Variants in NCAM1 observed in about 807,000 individuals in gnomAD.
The protein encoded by NCAM1 is neural cell adhesion molecule 1.
Under a neutral mutation model 109.8 loss-of-function variants are expected in NCAM1, and 14 were observed. That is an observed-to-expected ratio of 0.13 (90% CI 0.08 to 0.20). NCAM1 has a LOEUF of 0.20. NCAM1 is among the 10% of genes least tolerant of loss of function. The pLI is 1.00. For missense variants in NCAM1, 774 were observed against 1,109.9 expected, an observed-to-expected ratio of 0.70 and a Z score of 4.30; for synonymous variants, 418 against 442.9, an observed-to-expected ratio of 0.94 and a Z score of 0.70.
chr11:113,223,219 A>C (rs943381421), intron 9 of NCAM1, among the ~76,000 whole-genome samples: 1 of 152,240 alleles, frequency 6.6e-6, no homozygotes, highest in African/African-American at 2.4e-5. Context: ...GCACACCCTG[A>C]AGTTGTGCAG....
At chr11:113,017,193 C>T (rs1452702568) in intron 1 of NCAM1, among the ~76,000 whole-genome samples, 9 of 152,150 alleles carry the variant, frequency 5.9e-5, no homozygotes, top group Non-Finnish European at 1.3e-4. Context: ...AGACACTCTT[C>T]GTTTACTACA....
chr11:113,159,274 C>T (rs1942519867), intron 1 of NCAM1, among the ~76,000 whole-genome samples: 1 of 152,120 alleles, frequency 6.6e-6, no homozygotes, highest in South Asian at 2.1e-4. Flanking sequence ...TTAGGAGTTA[C>T]ATTCTGTGTT....
At chr11:113,058,074 C>T (rs377689766) in intron 1 of NCAM1, among the ~76,000 whole-genome samples, 12 of 151,940 alleles carry the variant, frequency 7.9e-5, no homozygotes, top group African/African-American at 2.4e-4. Context: ...TATGAGGCCA[C>T]GAGTTCGAGA....
chr11:113,183,064 A>G (rs1555108232), intron 1 of NCAM1, among the ~76,000 whole-genome samples: 1 of 152,106 alleles, frequency 6.6e-6, no homozygotes, highest in East Asian at 1.9e-4. Flanking sequence ...AGTTAGTCCA[A>G]CCCCTTCCTT....
chr11:113,191,939 C>T (rs768693543), intron 1 of NCAM1, among the ~76,000 whole-genome samples: 6 of 152,174 alleles, frequency 3.9e-5, no homozygotes, highest in South Asian at 2.1e-4. Flanking sequence ...TTGAAAGGCA[C>T]GGGCAGGATC....
intron 1 of NCAM1, among the ~76,000 whole-genome samples, chr11:113,185,079 T>TATATATATATATATATATATAGAG: frequency 1.2e-3 from 148 of 125,654 alleles, no homozygotes; most frequent in Non-Finnish European, 1.6e-3. Flanking sequence ...TATATATATA[T>TATATATATATATATATATATAGAG]AGAGAGAGAG....
intron 1 of NCAM1, among the ~76,000 whole-genome samples, chr11:113,143,887 G>T (rs782365491): frequency 2.6e-5 from 4 of 152,238 alleles, no homozygotes; most frequent in Admixed American, 1.3e-4. Context: ...ATAAGAAAAT[G>T]AAGATCCAGG....
At chr11:113,090,622 G>T (rs535930740) in intron 1 of NCAM1, among the ~76,000 whole-genome samples, 1 of 152,294 alleles carries the variant, frequency 6.6e-6, no homozygotes, top group Non-Finnish European at 1.5e-5. Context: ...TCTGACTTGT[G>T]AATTACATTA....
At chr11:113,214,595 G>C in intron 8 of NCAM1, 84 bp downstream of exon 8, 1 of 1,457,800 alleles carries the variant, frequency 6.9e-7, no homozygotes, top group East Asian at 2.5e-5. Context: ...TCTCTTTGGG[G>C]AGCTGGGAGA....
At chr11:113,172,915 C>T (rs745447959) in intron 1 of NCAM1, among the ~76,000 whole-genome samples, 40 of 152,150 alleles carry the variant, frequency 2.6e-4, no homozygotes, top group Non-Finnish European at 4.9e-4. Flanking sequence ...AATCTGGGAT[C>T]GAACTGAGAT....
intron 1 of NCAM1, among the ~76,000 whole-genome samples, chr11:113,100,579 GA>G (rs1555091330): frequency 6.6e-6 from 1 of 152,128 alleles, no homozygotes; most frequent in Non-Finnish European, 1.5e-5. Flanking sequence ...GGAGTGGGAA[GA>G]TAATCTTCCC....
At position 113,077,954 on chromosome 11, in the gene NCAM1, T is replaced by C. The variant is rs187712749; in HGVS notation, c.52+116290T>C. Among the ~76,000 whole-genome samples the C allele has an allele frequency of 4.0e-4, 61 of 152,294 alleles. 1 individual carries two copies. Among genetic ancestry groups the C allele is most frequent in the African/African-American group, 1.5e-3 (61 of 41,568 alleles). On this transcript the variant is annotated intron_variant, in intron 1 of 19. Transcript: ENST00000316851. ...CACCCACCTCAGCCTCCCAAAGTGC[T>C]GGAATTACAGGCGTGAGCCACCGCA...
At chr11:113,023,101 G>T (rs11214465) in intron 1 of NCAM1, among the ~76,000 whole-genome samples, 1,533 of 152,278 alleles carry the variant, frequency 0.01, 25 homozygotes, top group African/African-American at 0.034. Flanking sequence ...CAAGAGAAGA[G>T]TTGCAGACCC....
At chr11:113,103,599 A>T (rs948135178) in intron 1 of NCAM1, among the ~76,000 whole-genome samples, 4 of 152,298 alleles carry the variant, frequency 2.6e-5, no homozygotes, top group African/African-American at 4.8e-5. Context: ...CTCCCCAGTG[A>T]TAATGGGTGG....
intron 1 of NCAM1, among the ~76,000 whole-genome samples, chr11:113,194,973 C>A (rs1025858065): frequency 2.0e-5 from 3 of 152,212 alleles, no homozygotes; most frequent in African/African-American, 7.2e-5. Context: ...GATGGAAGGA[C>A]TGGCAGTACT....
chr11:113,193,303 GCTTATGCTCC>G (rs1399307276), intron 1 of NCAM1, among the ~76,000 whole-genome samples: 2 of 152,176 alleles, frequency 1.3e-5, no homozygotes, highest in Non-Finnish European at 2.9e-5. Flanking sequence ...TCCTGCTCTT[GCTTATGCTCC>G]CTTTGAGTCA....
In NCAM1 at chr11:113,144,937, T is replaced by A. The variant is rs1351454707; in HGVS notation, c.53-57442T>A. 2.6e-5 allele frequency among the ~76,000 whole-genome samples: 4 copies of A among 152,234 alleles called. No individual in the cohort carries two copies. The East Asian group carries it at 7.7e-4, about 29-fold the overall frequency. On this transcript the variant is annotated intron_variant, in intron 1 of 19. Coordinates refer to ENST00000316851, the MANE Select transcript of NCAM1 (RefSeq NM_181351.5). ...TGGAGAGTCCTCCAACCAATCTGCA[T>A]GACCAGGAATCAAGACTCATTATGT...
At chr11:113,199,829 T>TGGAAAAAAAAAAAAAAA (rs60389510) in intron 1 of NCAM1, among the ~76,000 whole-genome samples, 1 of 115,766 alleles carries the variant, frequency 8.6e-6, no homozygotes, top group African/African-American at 3.4e-5. Context: ...GAAACACCCT[T>TGGAAAAAAAAAAAAAAA]AAAAAAAAAA....
intron 15 of NCAM1, among the ~76,000 whole-genome samples, chr11:113,252,510 C>A (rs372016240): frequency 2.0e-5 from 3 of 151,598 alleles, no homozygotes; most frequent in African/African-American, 7.3e-5. Flanking sequence ...ATTTGGCAAA[C>A]AAAATGGTGT....
Sources: gnomAD v4.1 joint callset for allele counts (sites outside exome capture counted in the v4.1 genomes callset) on GRCh38, gnomAD v4.1.1 for gene constraint, MANE v1.5 for transcripts, NCBI Gene and HGNC (gene_info 2026-07-23, HGNC 2026-07-21) for gene names.